The following CREG2 variants were observed in gnomAD, a reference collection of about 807,000 sequenced individuals.
CREG2 encodes cellular repressor of E1A stimulated genes 2, also known as protein CREG2.
CREG2 carries 24 observed loss-of-function variants against 26.2 expected under a neutral mutation model. That is an observed-to-expected ratio of 0.92 (90% CI 0.66 to 1.29). The LOEUF (loss-of-function observed/expected upper bound fraction) is 1.29, where lower values mean the gene tolerates loss of function less well. Among genes scored for constraint, CREG2 ranks in the 50% most tolerant of loss-of-function variants. The pLI is 0.00. For synonymous variants in CREG2, 174 were observed against 169.2 expected (o/e 1.03, Z -0.22); for missense variants, 366 against 398.6 (o/e 0.92, Z 0.70).
Position 101,387,369 on chromosome 2 carries a change from G to T in CREG2, c.89C>A (p.Ala30Glu), listed in dbSNP as rs1467144379. 1 of 1,474,910 alleles carries T rather than the reference G, an allele frequency of 6.8e-7. No homozygotes were observed. 91.4% of individuals were successfully genotyped at this position (1,474,910 alleles called of 1,614,324 possible). A position where few individuals can be genotyped will look rare whatever the true frequency, so the allele number is the denominator to read the frequency against. The change falls in exon 1 of 4, where the codon GCG (alanine) becomes GAG (glutamate). Residue 30 changes from alanine to glutamate, a missense_variant. This residue lies in a region of CREG2 where 177 missense variants were observed against 183.3 expected (regional missense o/e 0.97). Transcript: ENST00000324768. This position sits in a 1 kb window ranked among gnomAD's most constrained non-coding sequence, Gnocchi z 4.7. ...LCCSALLSPA[A>E]GYVIVSSVSW... ...CACGGAGCTCACGATCACGTAGCCC[G>T]CGGCCGGGGACAGCAGGGCGCTGCA... is the stretch of plus-strand genomic sequence containing the variant.
At chr2:101,352,238 T>TGGAA (rs1178866441) in intron 3 of CREG2, among the ~76,000 whole-genome samples, 2 of 152,162 alleles carry the variant, frequency 1.3e-5, no homozygotes, top group Non-Finnish European at 2.9e-5. Context: ...ACAGGGAAAT[T>TGGAA]GGAAGTACAG....
At chr2:101,376,744 A>G (rs1684797748) in intron 2 of CREG2, among the ~76,000 whole-genome samples, 1 of 152,242 alleles carries the variant, frequency 6.6e-6, no homozygotes, top group South Asian at 2.1e-4. Flanking sequence ...TCTCTTAAAG[A>G]GAATCCAGCT....
At position 101,387,225 on chromosome 2, in the gene CREG2, G is replaced by A. The variant is rs1362105226; in HGVS notation, c.233C>T (p.Ala78Val). The A allele has an allele frequency of 3.3e-5, 47 of 1,424,056 alleles. No homozygotes were observed. Among genetic ancestry groups the A allele is most frequent in the Non-Finnish European group, 4.4e-5 (47 of 1,076,578 alleles). The allele number at this position is 1,424,056 out of a possible 1,614,324, so 88.2% of individuals were successfully genotyped here. A position where few individuals can be genotyped will look rare whatever the true frequency, so the allele number is the denominator to read the frequency against. Residue 78 changes from alanine to valine, a missense_variant, in exon 1 of 4, where the codon GCC becomes GTC. By Grantham distance (64) the Ala-to-Val change is moderately conservative. This residue lies in a region of CREG2 where 177 missense variants were observed against 183.3 expected (regional missense o/e 0.97). Transcript: ENST00000324768. The surrounding 1 kb of genome is among the most constrained non-coding windows in gnomAD (Gnocchi z 4.7). The stretch of plus-strand genomic sequence containing the variant: ...CCGCAGGTGCGCGTCCTCCTTGTGG[G>A]CAGAGGCGGGGAAGCTTTGCTGCCA... Reference protein sequence around the residue: ...SIWQQSFPASAHKEDAHLRPR... With the variant: ...SIWQQSFPASVHKEDAHLRPR...
chr2:101,355,245 T>G lies in CREG2; in HGVS notation c.725+8A>C, dbSNP rs1484218350. ...TCTGGGCATATAAATTTTAAAGCAT[T>G]TACACACCTTGAAAACATGGCTTGC... On this transcript the variant is annotated splice_region_variant and intron_variant, in intron 3 of 3. Coordinates refer to ENST00000324768, the MANE Select transcript of CREG2 (RefSeq NM_153836.4). 14 of 1,571,652 alleles carry G rather than the reference T, an allele frequency of 8.9e-6. No homozygotes were observed. Among genetic ancestry groups the G allele is most frequent in the Non-Finnish European group, 1.2e-5 (14 of 1,141,602 alleles).
chr2:101,351,874 A>T (rs147902575), intron 3 of CREG2, among the ~76,000 whole-genome samples: 207 of 152,166 alleles, frequency 1.4e-3, no homozygotes, highest in Middle Eastern at 3.4e-3. Flanking sequence ...TAGGTTGATG[A>T]TCTTTATTTA....
At chr2:101,362,460 A>G (rs953551254) in intron 2 of CREG2, among the ~76,000 whole-genome samples, 1 of 152,164 alleles carries the variant, frequency 6.6e-6, no homozygotes, top group Non-Finnish European at 1.5e-5. Flanking sequence ...TTGCTCACTA[A>G]TTACAGGGCT....
In CREG2 at chr2:101,386,247, T is replaced by C. The variant is rs560419651; in HGVS notation, c.441+770A>G. ...GGGCAAGAACCTGGCCAATGTCCTA[T>C]GCCTTCCATAAAATATTATTTCTCT... On this transcript the variant is annotated intron_variant, in intron 1 of 3. Coordinates refer to ENST00000324768, the MANE Select transcript of CREG2 (RefSeq NM_153836.4). 8.5e-5 allele frequency among the ~76,000 whole-genome samples: 13 copies of C among 152,378 alleles called. No individual in the cohort carries two copies. In the South Asian group the frequency reaches 2.3e-3, roughly 27 times the overall value.
chr2:101,384,446 T>A (rs1317538855), intron 1 of CREG2, among the ~76,000 whole-genome samples: 1 of 152,076 alleles, frequency 6.6e-6, no homozygotes, highest in Admixed American at 6.6e-5. Flanking sequence ...TGATCCCCGG[T>A]GTTGGAGGGG....
Position 101,347,073 on chromosome 2 carries a change from G to T in CREG2, c.*3850C>A, listed in dbSNP as rs1032871067. 6.6e-6 allele frequency: 1 copy of T among 152,152 alleles called. No individual in the cohort carries two copies. Among genetic ancestry groups the T allele is most frequent in the Non-Finnish European group, 1.5e-5 (1 of 68,034 alleles). The allele number at this position is 152,152 out of a possible 1,614,324, so 9.4% of individuals were successfully genotyped here. A position where few individuals can be genotyped will look rare whatever the true frequency, so the allele number is the denominator to read the frequency against. On this transcript the variant is annotated 3_prime_UTR_variant, in exon 4 of 4. Coordinates refer to ENST00000324768, the MANE Select transcript of CREG2 (RefSeq NM_153836.4). Reference sequence around the variant, plus strand: ...AATGTTATGTAAATGGAATCATACAGTGTGCAAACTTTTATGATTGGCTTT... The same window carrying T: ...AATGTTATGTAAATGGAATCATACATTGTGCAAACTTTTATGATTGGCTTT...
At chr2:101,374,185 T>C (rs1200808014) in intron 2 of CREG2, among the ~76,000 whole-genome samples, 1 of 152,152 alleles carries the variant, frequency 6.6e-6, no homozygotes, top group Non-Finnish European at 1.5e-5. Flanking sequence ...CTAGACAAGC[T>C]TGGCCAACAT....
chr2:101,350,382 T>C lies in CREG2; in HGVS notation c.*541A>G, dbSNP rs1024151172. On this transcript the variant is annotated 3_prime_UTR_variant, in exon 4 of 4. Transcript: ENST00000324768. ...CTGCATTCTAGCCAGTATGACCTAA[T>C]AATGCATCTGCAATCCACCAGCAGG... 1 of 153,070 alleles carries C rather than the reference T, an allele frequency of 6.5e-6. No homozygotes were observed. Among genetic ancestry groups the C allele is most frequent in the African/African-American group, 2.4e-5 (1 of 41,452 alleles). 9.5% of individuals were successfully genotyped at this position (153,070 alleles called of 1,614,324 possible).
chr2:101,354,759 C>T (rs1323434490), intron 3 of CREG2, among the ~76,000 whole-genome samples: 1 of 152,110 alleles, frequency 6.6e-6, no homozygotes, highest in Non-Finnish European at 1.5e-5. Flanking sequence ...TTTCCTGGAG[C>T]ATGCCTTTCA....
chr2:101,385,386 G>C (rs1049187870), intron 1 of CREG2, among the ~76,000 whole-genome samples: 8 of 152,054 alleles, frequency 5.3e-5, no homozygotes, highest in African/African-American at 1.9e-4. Context: ...TCACCATGTT[G>C]GCCAAGCTGG....
chr2:101,383,511 G>T (rs189032604), intron 2 of CREG2, 22 bp downstream of exon 2: 1 of 1,612,714 alleles, frequency 6.2e-7, no homozygotes, highest in East Asian at 2.2e-5. Flanking sequence ...ACCCGTGTGA[G>T]TGAGGGCAAA....
intron 2 of CREG2, among the ~76,000 whole-genome samples, chr2:101,366,907 T>C (rs1684626041): frequency 6.6e-6 from 1 of 152,176 alleles, no homozygotes; most frequent in Non-Finnish European, 1.5e-5. Context: ...GTACTAGGTA[T>C]TATAAGTAAT....
At chr2:101,382,078 C>T (rs907548674) in intron 2 of CREG2, 1 of 152,226 alleles carries the variant, frequency 6.6e-6, no homozygotes, top group African/African-American at 2.4e-5. Flanking sequence ...CCCAGAGCGG[C>T]TGTGCTCTGG....
intron 2 of CREG2, among the ~76,000 whole-genome samples, chr2:101,375,105 G>A (rs551027029): frequency 8.5e-5 from 13 of 152,266 alleles, no homozygotes; most frequent in African/African-American, 1.4e-4. Context: ...CTACGTCCCC[G>A]CACACTATCC....
At position 101,347,259 on chromosome 2, in the gene CREG2, T is replaced by C. The variant is rs1277958626; in HGVS notation, c.*3664A>G. The C allele has an allele frequency of 3.9e-5, 6 of 152,224 alleles. No homozygotes were observed. Among genetic ancestry groups the C allele is most frequent in the Non-Finnish European group, 8.8e-5 (6 of 68,036 alleles). 9.4% of individuals were successfully genotyped at this position (152,224 alleles called of 1,614,324 possible). A position where few individuals can be genotyped will look rare whatever the true frequency, so the allele number is the denominator to read the frequency against. ...CTGATTTCTCCAAGTTTTTGAACAT[T>C]ATGGATAAAACTGATATGAACATTC... On this transcript the variant is annotated 3_prime_UTR_variant, in exon 4 of 4. Transcript: ENST00000324768.
At chr2:101,378,427 A>G (rs1168884787) in intron 2 of CREG2, among the ~76,000 whole-genome samples, 1 of 152,232 alleles carries the variant, frequency 6.6e-6, no homozygotes, top group Non-Finnish European at 1.5e-5. Flanking sequence ...CAAGCTGTCC[A>G]GGCCAATAAT....
Sources: allele counts gnomAD v4.1 joint callset (sites outside exome capture counted in the v4.1 genomes callset), GRCh38; gene constraint gnomAD v4.1.1; regional missense constraint gnomAD v4.1.1; non-coding constraint Gnocchi (gnomAD v3.1); transcripts MANE v1.5; gene names NCBI Gene and HGNC (gene_info 2026-07-23, HGNC 2026-07-21).